Variants in ANK2 observed in about 807,000 individuals in gnomAD.
The protein encoded by ANK2 is ankyrin 2.
Under a neutral mutation model 360.5 loss-of-function variants are expected in ANK2, and 83 were observed. The observed-to-expected ratio is 0.23, with a 90% CI of 0.19 to 0.28. ANK2 has a LOEUF of 0.28. Among genes scored for constraint, ANK2 ranks in the 10% least tolerant of loss-of-function variants. The pLI is 1.00. For synonymous variants in ANK2, 1,740 were observed against 1,759.5 expected, an observed-to-expected ratio of 0.99 and a Z score of 0.28; for missense variants, 4,201 against 4,795.7, an observed-to-expected ratio of 0.88 and a Z score of 3.66.
At chr4:112,795,654 C>T in the ANK2 span, among the ~76,000 whole-genome samples, 1 of 152,100 alleles carries the variant, frequency 6.6e-6, no homozygotes, top group Non-Finnish European at 1.5e-5. Flanking sequence ...CAGGTGCCTG[C>T]CACCACACCT....
At chr4:112,747,548 GGAAGA>G in the ANK2 span, among the ~76,000 whole-genome samples, 4 of 152,172 alleles carry the variant, frequency 2.6e-5, no homozygotes, top group Non-Finnish European at 4.4e-5. Context: ...GAAAGAAAAA[GGAAGA>G]GAAAAGTTTT....
chr4:113,079,100 C>T (rs147959651), intron 1 of ANK2, among the ~76,000 whole-genome samples: 1 of 152,296 alleles, frequency 6.6e-6, no homozygotes, highest in African/African-American at 2.4e-5. Context: ...GTCCTACCTC[C>T]TACCTCATGG....
In ANK2 at chr4:112,905,158, CTTTTCTAGAAGGAATCT is replaced by C. The variant is rs1362576964; in HGVS notation, c.21+645_21+661del. ...GAATCTCATCTAGAAGAATCCGTTT[CTTTTCTAGAAGGAATCT>C]ACGAAATATTGTGAAAATCATCTCA... On this transcript the variant is annotated intron_variant, in intron 2 of 30. Transcript: ENST00000503271. Among the ~76,000 whole-genome samples the C allele has an allele frequency of 4.6e-5, 7 of 152,280 alleles. No individual in the cohort carries two copies. In the East Asian group the frequency reaches 1.3e-3, roughly 29 times the overall value.
intron 2 of ANK2, among the ~76,000 whole-genome samples, chr4:112,932,572 AC>A (rs1377656723): frequency 6.7e-6 from 1 of 150,100 alleles, no homozygotes; most frequent in East Asian, 1.9e-4. Context: ...TGCAGCTGTG[AC>A]TTTTTTTTTT....
the ANK2 span, among the ~76,000 whole-genome samples, chr4:112,713,127 T>C: frequency 6.6e-6 from 1 of 152,214 alleles, no homozygotes; most frequent in African/African-American, 2.4e-5. Context: ...CCATTTAAAA[T>C]TGATTTTTTT....
At chr4:113,157,094 C>T (rs2097331530) in intron 1 of ANK2, among the ~76,000 whole-genome samples, 2 of 151,482 alleles carry the variant, frequency 1.3e-5, no homozygotes, top group Admixed American at 1.3e-4. Flanking sequence ...TTTAATAATC[C>T]ATGCTTTAAT....
the ANK2 span, among the ~76,000 whole-genome samples, chr4:112,717,315 T>C: frequency 6.6e-6 from 1 of 152,172 alleles, no homozygotes; most frequent in Non-Finnish European, 1.5e-5. Flanking sequence ...TCCTAAAAGA[T>C]GCGCTTATTA....
the ANK2 span, among the ~76,000 whole-genome samples, chr4:112,756,901 AG>A: frequency 6.6e-6 from 1 of 152,026 alleles, no homozygotes; most frequent in South Asian, 2.1e-4. Flanking sequence ...TGAACCCGGG[AG>A]GCAGAGGTTG....
chr4:112,849,422 C>T (rs1192785672), intron 1 of ANK2, among the ~76,000 whole-genome samples: 1 of 152,150 alleles, frequency 6.6e-6, no homozygotes, highest in East Asian at 1.9e-4. Flanking sequence ...GTTGCCTAAG[C>T]CCAATCAATT....
intron 2 of ANK2, among the ~76,000 whole-genome samples, chr4:112,910,101 A>T (rs960609701): frequency 1.3e-5 from 2 of 152,204 alleles, no homozygotes; most frequent in African/African-American, 4.8e-5. Context: ...GTGATCTCCA[A>T]TATCTGCGTT....
intron 1 of ANK2, among the ~76,000 whole-genome samples, chr4:112,871,820 T>C (rs1242010267): frequency 6.6e-6 from 1 of 152,212 alleles, no homozygotes; most frequent in Non-Finnish European, 1.5e-5. Flanking sequence ...GTGTTAGATT[T>C]TGTTAAATAT....
chr4:113,142,795 G>A (rs2096681591), intron 1 of ANK2, among the ~76,000 whole-genome samples: 1 of 152,090 alleles, frequency 6.6e-6, no homozygotes. Context: ...TCCAACAGTT[G>A]TCAGCATGTT....
rs975760214 is a variant in ANK2, at chr4:113,379,791, CA to C, written c.11860-1658del. ...GAAGGAAGAAGGAAACAAGGATGTC[CA>C]AAAAAAAGCTGAAAGTATTTTAGCT... On this transcript the variant is annotated intron_variant, in intron 45 of 45. Coordinates refer to ENST00000357077, the MANE Select transcript of ANK2 (RefSeq NM_001148.6). Among the ~76,000 whole-genome samples, 43 of 151,348 alleles carry C rather than the reference CA, an allele frequency of 2.8e-4. No homozygotes were observed. The East Asian group carries it at 5.8e-3, about 20-fold the overall frequency.
At chr4:113,189,357 A>G (rs1290623360) in intron 2 of ANK2, among the ~76,000 whole-genome samples, 1 of 152,202 alleles carries the variant, frequency 6.6e-6, no homozygotes, top group Non-Finnish European at 1.5e-5. Flanking sequence ...TTAAAATTAT[A>G]AAAAATGTGG....
At chr4:113,266,896 T>C (rs1319758086) in intron 14 of ANK2, among the ~76,000 whole-genome samples, 3 of 151,720 alleles carry the variant, frequency 2.0e-5, no homozygotes, top group Non-Finnish European at 2.9e-5. Flanking sequence ...AAAGCATTCA[T>C]ATCCTCTCCA....
At chr4:113,101,772 G>C (rs2092881108) in intron 1 of ANK2, among the ~76,000 whole-genome samples, 1 of 152,154 alleles carries the variant, frequency 6.6e-6, no homozygotes, top group Admixed American at 6.5e-5. Context: ...TTTACAAGGA[G>C]ACCTGGTTTG....
intron 13 of ANK2, among the ~76,000 whole-genome samples, chr4:113,261,475 A>C (rs1179898971): frequency 6.6e-6 from 1 of 152,230 alleles, no homozygotes; most frequent in Admixed American, 6.5e-5. Flanking sequence ...GATAAGAAAG[A>C]CAAGGCTATT....
chr4:113,310,077 T>G (rs576512658), intron 23 of ANK2, among the ~76,000 whole-genome samples: 1 of 152,288 alleles, frequency 6.6e-6, no homozygotes, highest in Non-Finnish European at 1.5e-5. Flanking sequence ...TTCACCCTTA[T>G]AAACCTTCCT....
At chr4:113,247,084 A>T (rs1163775582) in intron 9 of ANK2, among the ~76,000 whole-genome samples, 1 of 151,124 alleles carries the variant, frequency 6.6e-6, no homozygotes, top group African/African-American at 2.4e-5. Context: ...CATCCCTCCA[A>T]TGTTGATTGA....
Sources: gnomAD v4.1 joint callset for allele counts (sites outside exome capture counted in the v4.1 genomes callset) on GRCh38, gnomAD v4.1.1 for gene constraint, MANE v1.5 for transcripts, NCBI Gene and HGNC (gene_info 2026-07-23, HGNC 2026-07-21) for gene names.